Variants in KIRREL1 observed in about 807,000 individuals in gnomAD.
KIRREL1 encodes the protein kirre like nephrin family adhesion molecule 1.
In KIRREL1, 25 loss-of-function variants were observed where a neutral mutation model predicts 83.3. That is an observed-to-expected ratio of 0.30 (90% confidence interval 0.22 to 0.42). The LOEUF (loss-of-function observed/expected upper bound fraction) is 0.42. Among genes scored for constraint, KIRREL1 ranks in the 10% least tolerant of loss-of-function variants. The pLI, the probability that KIRREL1 is intolerant of heterozygous loss-of-function variation, is 1.00. For missense variants in KIRREL1, 812 were observed against 1,032.3 expected (o/e 0.79, Z 2.92); for synonymous variants, 388 against 410.4 (o/e 0.95, Z 0.66).
chr1:158,020,600 C>CAAATAA (rs1659978311), intron 1 of KIRREL1, among the ~76,000 whole-genome samples: 1 of 83,678 alleles, frequency 1.2e-5, no homozygotes, highest in African/African-American at 4.7e-5. Context: ...TACAGTAAAT[C>CAAATAA]AAAAAAAAAA....
In KIRREL1 at chr1:158,087,661, G is replaced by A. The variant is rs960307796; in HGVS notation, c.662-94G>A. 48 of 808,230 alleles carry A rather than the reference G, an allele frequency of 5.9e-5. No homozygotes were observed. In the East Asian group the frequency reaches 6.7e-4, roughly 11 times the overall value. The allele number at this position is 808,230 out of a possible 1,614,324, so 50.1% of individuals were successfully genotyped here. A position where few individuals can be genotyped will look rare whatever the true frequency, so the allele number is the denominator to read the frequency against. ...TGCAACCTCAAATTCCTAGATCCCC[G>A]CCAGAGTGGTCAGGTCTGAATGTAC... On this transcript the variant is annotated intron_variant, in intron 5 of 14. Transcript: ENST00000359209.
rs1662342134 is a variant in KIRREL1, at chr1:158,095,838, G to A, written c.*718G>A. On this transcript the variant is annotated 3_prime_UTR_variant, in exon 15 of 15. Coordinates refer to ENST00000359209, the MANE Select transcript of KIRREL1 (RefSeq NM_018240.7). ...TTTCCTTCTCCTCCATGCTGGGCCA[G>A]CCAGATAAGTCAGGGTCCTGGTGGA... The A allele has an allele frequency of 6.6e-6, 1 of 152,432 alleles. No homozygotes were observed. Among genetic ancestry groups the A allele is most frequent in the South Asian group, 2.1e-4 (1 of 4,832 alleles). The allele number at this position is 152,432 out of a possible 1,614,324, so 9.4% of individuals were successfully genotyped here. A position where few individuals can be genotyped will look rare whatever the true frequency, so the allele number is the denominator to read the frequency against.
chr1:158,026,346 A>T (rs761887313), intron 1 of KIRREL1, among the ~76,000 whole-genome samples: 3 of 152,164 alleles, frequency 2.0e-5, no homozygotes, highest in African/African-American at 7.2e-5. Flanking sequence ...TAGGTCTAGT[A>T]TATCTTCACT....
intron 1 of KIRREL1, among the ~76,000 whole-genome samples, chr1:158,026,827 T>C (rs570747107): frequency 4.2e-4 from 64 of 152,208 alleles, no homozygotes; most frequent in African/African-American, 1.4e-3. Flanking sequence ...GCTCCAAAGC[T>C]GAATGAAAAA....
At chr1:158,018,377 A>G (rs1037702707) in intron 1 of KIRREL1, among the ~76,000 whole-genome samples, 2 of 152,138 alleles carry the variant, frequency 1.3e-5, no homozygotes, top group African/African-American at 2.4e-5. Flanking sequence ...GAACTGATGT[A>G]GAGGGCTGGT....
chr1:158,013,202 G>A (rs956746748), intron 1 of KIRREL1, among the ~76,000 whole-genome samples: 1 of 152,160 alleles, frequency 6.6e-6, no homozygotes, highest in Non-Finnish European at 1.5e-5. Flanking sequence ...ATGTTGTTGA[G>A]GATGAAGTAA....
intron 4 of KIRREL1, 42 bp downstream of exon 4, chr1:158,084,621 C>CCT (rs1558015647): frequency 1.3e-6 from 2 of 1,541,830 alleles, no homozygotes; most frequent in South Asian, 2.4e-5. Context: ...TGGGCCTAGC[C>CCT]CAGCTCACCT....
At chr1:158,054,967 G>A (rs1295519200) in intron 1 of KIRREL1, among the ~76,000 whole-genome samples, 2 of 152,068 alleles carry the variant, frequency 1.3e-5, no homozygotes, top group African/African-American at 2.4e-5. Context: ...TATTGAGCAC[G>A]GCACCAAGCA....
intron 1 of KIRREL1, among the ~76,000 whole-genome samples, chr1:158,003,596 C>T (rs915935773): frequency 3.3e-5 from 5 of 152,152 alleles, no homozygotes; most frequent in African/African-American, 1.2e-4. Flanking sequence ...TCGTGGCTGG[C>T]TGTGCTGCCA....
chr1:158,035,406 G>A (rs775168833), intron 1 of KIRREL1, among the ~76,000 whole-genome samples: 3 of 152,130 alleles, frequency 2.0e-5, no homozygotes, highest in Non-Finnish European at 4.4e-5. Flanking sequence ...ATCAGCAGAG[G>A]GTCCAGGGTA....
Position 158,058,772 on chromosome 1 carries a change from C to A in KIRREL1, c.53-17341C>A, listed in dbSNP as rs186206962. 5.3e-5 allele frequency among the ~76,000 whole-genome samples: 8 copies of A among 152,302 alleles called. No homozygotes were observed. In the East Asian group the frequency reaches 1.5e-3, roughly 29 times the overall value. Reference sequence around the variant, plus strand: ...CGACATCTGGGACCCGATGCTTCATCCCCTGGGGAGAGAGTGACAGGCCAA... The same window carrying A: ...CGACATCTGGGACCCGATGCTTCATACCCTGGGGAGAGAGTGACAGGCCAA... On this transcript the variant is annotated intron_variant, in intron 1 of 14. Coordinates refer to ENST00000359209, the MANE Select transcript of KIRREL1 (RefSeq NM_018240.7).
intron 7 of KIRREL1, 34 bp downstream of exon 7, chr1:158,088,188 G>A (rs1460316981): frequency 6.2e-7 from 1 of 1,614,040 alleles, no homozygotes; most frequent in Non-Finnish European, 8.5e-7. Context: ...CGGGGACAGA[G>A]AGCAGGGGCC....
chr1:158,059,472 C>T (rs1661153613), intron 1 of KIRREL1, among the ~76,000 whole-genome samples: 1 of 152,146 alleles, frequency 6.6e-6, no homozygotes, highest in African/African-American at 2.4e-5. Context: ...CTGGCTTGGC[C>T]TCCAGGTTGA....
chr1:158,088,174 G>A lies in KIRREL1; in HGVS notation c.916+20G>A, dbSNP rs925140819. 8 of 1,614,178 alleles carry A rather than the reference G, an allele frequency of 5.0e-6. No homozygotes were observed. Among genetic ancestry groups the A allele is most frequent in the Non-Finnish European group, 6.8e-6 (8 of 1,180,018 alleles). ...TCCACTGTGAGTAGCTGGGAGGGCAGGGACGGGGACAGAGAGCAGGGGCCC... is the reference window on the plus strand; with the variant it reads ...TCCACTGTGAGTAGCTGGGAGGGCAAGGACGGGGACAGAGAGCAGGGGCCC... On this transcript the variant is annotated intron_variant, in intron 7 of 14. Transcript: ENST00000359209.
In KIRREL1 at chr1:158,006,660, C is replaced by T. The variant is rs988444340; in HGVS notation, c.52+12932C>T. On this transcript the variant is annotated intron_variant, in intron 1 of 14. Transcript: ENST00000359209. ...CAAGAACCTGGCTGAGTCACTGTGC[C>T]CTTACCTGTCTAGTGTCCCCTTCTC... 3.1e-4 allele frequency among the ~76,000 whole-genome samples: 47 copies of T among 152,184 alleles called. 1 individual carries two copies. The highest frequency in any genetic ancestry group is 1.1e-3 in the Admixed American group (17 of 15,284).
At position 158,093,433 on chromosome 1, in the gene KIRREL1, G is replaced by C; in HGVS notation, c.1566G>C (p.Arg522=). The C allele has an allele frequency of 6.2e-7, 1 of 1,614,152 alleles. No homozygotes were observed. The highest frequency in any genetic ancestry group is 8.5e-7 in the Non-Finnish European group (1 of 1,180,008). The change falls in exon 12 of 15, where the codon CGG becomes CGC. Residue 522 remains arginine, a synonymous_variant. Coordinates refer to ENST00000359209, the MANE Select transcript of KIRREL1 (RefSeq NM_018240.7). ...TCGCCTTGGTATTCTTCCTCTACCG[G>C]CGCCGCAAAGGCAGTGAGTATGGGC... ...FFIALVFFLY[R]RRKGSRKDVT...
chr1:158,090,020 C>T (rs1662147669), intron 10 of KIRREL1, among the ~76,000 whole-genome samples: 1 of 152,144 alleles, frequency 6.6e-6, no homozygotes, highest in South Asian at 2.1e-4. Flanking sequence ...CTGAGCAGAT[C>T]ACTTAATGTT....
intron 7 of KIRREL1, 43 bp downstream of exon 7, chr1:158,088,197 C>A (rs751349547): frequency 9.9e-5 from 159 of 1,613,476 alleles, no homozygotes; most frequent in Non-Finnish European, 1.3e-4. Flanking sequence ...AGAGCAGGGG[C>A]CCCCAAAGGG....
Position 158,094,680 on chromosome 1 carries a change from G to C in KIRREL1, c.1834G>C (p.Glu612Gln). The stretch of plus-strand genomic sequence containing the variant: ...TGGCTACTACAACGTGCGTGCCCAT[G>C]AAGACCGCCCGTCTTCCAGGGCAGT... Reference protein sequence around the residue: ...TNGYYNVRAHEDRPSSRAVLY... With the variant: ...TNGYYNVRAHQDRPSSRAVLY... The change falls in exon 15 of 15, where the codon GAA becomes CAA. Residue 612 changes from glutamate (E) to glutamine (Q), a missense_variant. Around this residue, in one of 3 missense-constraint regions of KIRREL1, gnomAD observed 334 missense variants for 383.7 expected, o/e 0.87. Transcript: ENST00000359209. The surrounding 1 kb of genome is among the most constrained non-coding windows in gnomAD (Gnocchi z 4.6). 1 of 1,609,254 alleles carries C rather than the reference G, an allele frequency of 6.2e-7. No homozygotes were observed. Among genetic ancestry groups the C allele is most frequent in the Non-Finnish European group, 8.5e-7 (1 of 1,179,490 alleles).
Sources: gnomAD v4.1 joint callset for allele counts (sites outside exome capture counted in the v4.1 genomes callset) on GRCh38, gnomAD v4.1.1 for gene constraint, gnomAD v4.1.1 regional missense constraint, Gnocchi (gnomAD v3.1) non-coding constraint, MANE v1.5 for transcripts, NCBI Gene and HGNC (gene_info 2026-07-23, HGNC 2026-07-21) for gene names.